ST6GALNAC3: variants seen among roughly 807,000 people sequenced by gnomAD.
ST6GALNAC3 encodes ST6 N-acetylgalactosaminide alpha-2,6-sialyltransferase 3.
Under a neutral mutation model 32.7 loss-of-function variants are expected in ST6GALNAC3, and 25 were observed. The observed-to-expected ratio is 0.76, with a 90% CI of 0.56 to 1.07. The LOEUF (loss-of-function observed/expected upper bound fraction) is 1.07, where lower values mean the gene tolerates loss of function less well. Among genes scored for constraint, ST6GALNAC3 ranks in the 50% least tolerant of loss-of-function variants. ST6GALNAC3 has a pLI of 0.00. For synonymous variants in ST6GALNAC3, 129 were observed against 133.1 expected (o/e 0.97, Z 0.21); for missense variants, 355 against 382.4 (o/e 0.93, Z 0.60).
intron 1 of ST6GALNAC3, among the ~76,000 whole-genome samples, chr1:76,091,944 T>A (rs924008941): frequency 6.6e-6 from 1 of 152,244 alleles, no homozygotes. Context: ...ACTGTGAATC[T>A]GTTTTTTCAT....
intron 1 of ST6GALNAC3, among the ~76,000 whole-genome samples, chr1:76,278,072 G>T (rs2100776724): frequency 6.6e-6 from 1 of 151,918 alleles, no homozygotes; most frequent in South Asian, 2.1e-4. Flanking sequence ...TTATAGTTTT[G>T]GGGAAGAGTT....
At chr1:76,363,700 C>A (rs1232775983) in intron 2 of ST6GALNAC3, among the ~76,000 whole-genome samples, 1 of 152,154 alleles carries the variant, frequency 6.6e-6, no homozygotes, top group Non-Finnish European at 1.5e-5. Flanking sequence ...GTTCTACAGG[C>A]TATGCAGGAA....
chr1:76,524,986 T>G (rs1341833881), intron 3 of ST6GALNAC3, among the ~76,000 whole-genome samples: 1 of 152,066 alleles, frequency 6.6e-6, no homozygotes, highest in African/African-American at 2.4e-5. Flanking sequence ...AAGAGAAATA[T>G]TACCTACCAC....
chr1:76,272,351 A>G (rs528981055), intron 1 of ST6GALNAC3, among the ~76,000 whole-genome samples: 25 of 151,754 alleles, frequency 1.6e-4, no homozygotes, highest in Non-Finnish European at 2.8e-4. Flanking sequence ...AAAAATTAAA[A>G]CACCGTTCAA....
At chr1:76,479,410 G>A (rs908878161) in intron 3 of ST6GALNAC3, among the ~76,000 whole-genome samples, 6 of 152,170 alleles carry the variant, frequency 3.9e-5, no homozygotes, top group African/African-American at 1.4e-4. Context: ...TACTGACTGG[G>A]TAATTTATAA....
intron 3 of ST6GALNAC3, among the ~76,000 whole-genome samples, chr1:76,618,824 G>A (rs902751231): frequency 8.5e-5 from 13 of 152,050 alleles, no homozygotes; most frequent in Non-Finnish European, 1.3e-4. Flanking sequence ...TTGACTCTTC[G>A]CATATTATAC....
At chr1:76,473,104 G>T (rs1659139267) in intron 3 of ST6GALNAC3, among the ~76,000 whole-genome samples, 1 of 152,094 alleles carries the variant, frequency 6.6e-6, no homozygotes, top group Admixed American at 6.6e-5. Context: ...ATGTCTTTGT[G>T]GGTGGGGAGT....
rs563067273 is a variant in ST6GALNAC3, at chr1:76,509,169, A to T, written c.623+96752A>T. ...GATTTTAATGCTTGTGGTCTAAGAA[A>T]GTATCTCTATCACTCAGTGCAGTCT... On this transcript the variant is annotated intron_variant, in intron 3 of 4. Coordinates refer to ENST00000328299, the MANE Select transcript of ST6GALNAC3 (RefSeq NM_152996.4). This position sits in a 1 kb window ranked among gnomAD's most constrained non-coding sequence, Gnocchi z 5.5. Among the ~76,000 whole-genome samples, 7 of 152,344 alleles carry T rather than the reference A, an allele frequency of 4.6e-5. No homozygotes were observed. Among genetic ancestry groups the T allele is most frequent in the African/African-American group, 1.7e-4 (7 of 41,586 alleles).
At chr1:76,363,017 C>T in intron 2 of ST6GALNAC3, among the ~76,000 whole-genome samples, 1 of 152,214 alleles carries the variant, frequency 6.6e-6, no homozygotes, top group East Asian at 1.9e-4. Context: ...TCCACATTGC[C>T]CTGGTAAAGG....
rs1048469071 is a variant in ST6GALNAC3 at position 76,630,909 on chromosome 1, T to C, written c.*2103T>C. On this transcript the variant is annotated 3_prime_UTR_variant, in exon 5 of 5. Coordinates refer to ENST00000328299, the MANE Select transcript of ST6GALNAC3 (RefSeq NM_152996.4). ...GCCATACAGACTGTTTTTCCCCCTGTTGTTTCACTTTAAAATAAAAAGAAA... is the reference window on the plus strand; with the variant it reads ...GCCATACAGACTGTTTTTCCCCCTGCTGTTTCACTTTAAAATAAAAAGAAA... The C allele has an allele frequency of 1.0e-6, 1 of 985,528 alleles. No individual in the cohort carries two copies. The highest frequency in any genetic ancestry group is 1.2e-6 in the Non-Finnish European group (1 of 829,818). 61.0% of individuals were successfully genotyped at this position (985,528 alleles called of 1,614,324 possible). A position where few individuals can be genotyped will look rare whatever the true frequency, so the allele number is the denominator to read the frequency against.
intron 3 of ST6GALNAC3, among the ~76,000 whole-genome samples, chr1:76,549,202 GGC>G (rs1664473651): frequency 6.6e-6 from 1 of 152,076 alleles, no homozygotes; most frequent in South Asian, 2.1e-4. Flanking sequence ...TTTTGCCATA[GGC>G]CCTTGAGGTC....
At chr1:76,208,960 C>A (rs911431935) in intron 1 of ST6GALNAC3, among the ~76,000 whole-genome samples, 1 of 152,114 alleles carries the variant, frequency 6.6e-6, no homozygotes, top group Non-Finnish European at 1.5e-5. Context: ...TTTATTTGGT[C>A]CCCAGAAACC....
chr1:76,469,044 A>T (rs569389783), intron 3 of ST6GALNAC3, among the ~76,000 whole-genome samples: 59 of 152,164 alleles, frequency 3.9e-4, no homozygotes, highest in African/African-American at 1.4e-3. Flanking sequence ...TGATTATTAT[A>T]ATATTATTAG....
At chr1:76,595,392 C>T (rs955678797) in intron 3 of ST6GALNAC3, among the ~76,000 whole-genome samples, 1 of 152,146 alleles carries the variant, frequency 6.6e-6, no homozygotes, top group African/African-American at 2.4e-5. Context: ...CAGCTGCCCT[C>T]AGCTTATTCT....
At chr1:76,173,578 T>C (rs931736004) in intron 1 of ST6GALNAC3, among the ~76,000 whole-genome samples, 7 of 152,160 alleles carry the variant, frequency 4.6e-5, no homozygotes, top group African/African-American at 7.2e-5. Flanking sequence ...ATTTTTGCAG[T>C]TTACCCATCT....
chr1:76,452,542 A>AT (rs1657486079), intron 3 of ST6GALNAC3, among the ~76,000 whole-genome samples: 1 of 151,848 alleles, frequency 6.6e-6, no homozygotes, highest in Non-Finnish European at 1.5e-5. Context: ...TGATCATGTG[A>AT]TTTTTGTTTT....
chr1:76,241,391 TAGTG>T (rs1656957930), intron 1 of ST6GALNAC3, among the ~76,000 whole-genome samples: 2 of 152,048 alleles, frequency 1.3e-5, no homozygotes, highest in Admixed American at 1.3e-4. Context: ...AGAGATCACA[TAGTG>T]AGAGAGGAAG....
chr1:76,291,292 G>A (rs1246300111), intron 1 of ST6GALNAC3, among the ~76,000 whole-genome samples: 1 of 152,234 alleles, frequency 6.6e-6, no homozygotes, highest in Non-Finnish European at 1.5e-5. Context: ...AGGCTGCAGT[G>A]CCTGCAGGCA....
chr1:76,108,054 C>G (rs384233), intron 1 of ST6GALNAC3, among the ~76,000 whole-genome samples: 44,065 of 151,996 alleles, frequency 0.29, 8,140 homozygotes, highest in African/African-American at 0.53. Context: ...GTAATGTTTG[C>G]TGTAAGAGGT....
Sources: allele counts gnomAD v4.1 joint callset (sites outside exome capture counted in the v4.1 genomes callset), GRCh38; gene constraint gnomAD v4.1.1; non-coding constraint Gnocchi (gnomAD v3.1); transcripts MANE v1.5; gene names NCBI Gene and HGNC (gene_info 2026-07-23, HGNC 2026-07-21).